CSMD3: variants seen among roughly 807,000 people sequenced by gnomAD.
CSMD3 encodes CUB and sushi domain-containing protein 3.
A neutral mutation model predicts 435.2 loss-of-function variants in CSMD3; 177 were observed. That is an observed-to-expected ratio of 0.41 (90% confidence interval 0.36 to 0.46). The LOEUF (loss-of-function observed/expected upper bound fraction) is 0.46. CSMD3 is among the 20% of genes least tolerant of loss of function. The pLI is 0.34. For missense variants in CSMD3, 4,265 were observed against 4,504.6 expected (o/e 0.95, Z 1.52); for synonymous variants, 1,656 against 1,520.5 (o/e 1.09, Z -2.07).
chr8:112,776,653 T>C (rs1411321498), intron 13 of CSMD3, among the ~76,000 whole-genome samples: 1 of 151,746 alleles, frequency 6.6e-6, no homozygotes, highest in African/African-American at 2.4e-5. Context: ...AAGTTTGAGG[T>C]AGTGTGAGCT....
chr8:112,246,470 G>A (rs879659015), intron 64 of CSMD3, among the ~76,000 whole-genome samples: 2 of 152,192 alleles, frequency 1.3e-5, no homozygotes, highest in Non-Finnish European at 2.9e-5. Flanking sequence ...GTCAGAAAAA[G>A]TTATTTAGTG....
intron 2 of CSMD3, chr8:113,309,444 C>A (rs1402126463): frequency 6.6e-6 from 1 of 152,032 alleles, no homozygotes; most frequent in Non-Finnish European, 1.5e-5. Flanking sequence ...CCATGAGTAC[C>A]CAATGTTTAG....
intron 13 of CSMD3, among the ~76,000 whole-genome samples, chr8:112,754,647 A>G (rs1293297134): frequency 1.3e-5 from 2 of 152,190 alleles, no homozygotes; most frequent in African/African-American, 4.8e-5. Context: ...TCAGCAAATC[A>G]GAAGGTCCAA....
chr8:113,091,962 T>C (rs1219778503), intron 5 of CSMD3, among the ~76,000 whole-genome samples: 2 of 152,034 alleles, frequency 1.3e-5, no homozygotes, highest in African/African-American at 2.4e-5. Context: ...ACATAGGTTT[T>C]GTATACCCAT....
In CSMD3 at chr8:112,275,109, C is replaced by G. The variant is rs1755836815; in HGVS notation, c.9508+6065G>C. ...TTTGGCATCAGCAGGGAAGTTCAAA[C>G]CATGCAAACCCTGGCACACTCACTA... On this transcript the variant is annotated intron_variant, in intron 59 of 70. Transcript: ENST00000297405. Among the ~76,000 whole-genome samples the G allele has an allele frequency of 2.0e-5, 3 of 152,140 alleles. No homozygotes were observed. In the South Asian group the frequency reaches 6.2e-4, roughly 32 times the overall value.
At chr8:112,298,707 A>C (rs568691184) in intron 53 of CSMD3, among the ~76,000 whole-genome samples, 2 of 152,228 alleles carry the variant, frequency 1.3e-5, no homozygotes, top group South Asian at 4.1e-4. Context: ...CCTATGAAAA[A>C]CTGTGCTTAA....
At position 112,245,331 on chromosome 8, in the gene CSMD3, T is replaced by C. The variant is rs116717402; in HGVS notation, c.10223-758A>G. Among the ~76,000 whole-genome samples the C allele has an allele frequency of 6.4e-3, 977 of 152,154 alleles. 12 individuals carry two copies. The highest frequency in any genetic ancestry group is 0.023 in the African/African-American group (940 of 41,508). Reference sequence around the variant, plus strand: ...GTCAGAGATAAATGCTACAAGAAATTTTTCCCCTGAAACAGATAGCATTTT... The same window carrying C: ...GTCAGAGATAAATGCTACAAGAAATCTTTCCCCTGAAACAGATAGCATTTT... On this transcript the variant is annotated intron_variant, in intron 64 of 70. Coordinates refer to ENST00000297405, the MANE Select transcript of CSMD3 (RefSeq NM_198123.2).
At chr8:112,720,879 T>G (rs2076842518) in intron 13 of CSMD3, among the ~76,000 whole-genome samples, 1 of 152,212 alleles carries the variant, frequency 6.6e-6, no homozygotes, top group African/African-American at 2.4e-5. Flanking sequence ...GAGAGTAATC[T>G]TCAAGAGAAA....
chr8:112,599,122 T>C lies in CSMD3; in HGVS notation c.3716-11887A>G, dbSNP rs576332502. Among the ~76,000 whole-genome samples, 487 of 148,134 alleles carry C rather than the reference T, an allele frequency of 3.3e-3. 3 individuals carry two copies. Among genetic ancestry groups the C allele is most frequent in the Non-Finnish European group, 4.5e-3 (303 of 67,028 alleles). ...AGAAAATTTTCGCAACCTACTCATC[T>C]GACAAAGGGCTAATATCCAGAATCT... is the stretch of plus-strand genomic sequence containing the variant. On this transcript the variant is annotated intron_variant, in intron 22 of 70. Coordinates refer to ENST00000297405, the MANE Select transcript of CSMD3 (RefSeq NM_198123.2).
intron 5 of CSMD3, among the ~76,000 whole-genome samples, chr8:113,092,432 T>G (rs548241089): frequency 4.6e-5 from 7 of 152,118 alleles, no homozygotes; most frequent in Non-Finnish European, 1.0e-4. Flanking sequence ...ACACCTTTTC[T>G]CCTTTTCTTT....
chr8:112,590,715 G>A (rs1015727896), intron 22 of CSMD3, among the ~76,000 whole-genome samples: 2 of 149,464 alleles, frequency 1.3e-5, no homozygotes, highest in African/African-American at 2.4e-5. Context: ...ACTGAATGAG[G>A]TACATTTATA....
chr8:112,691,833 C>T (rs934662951), intron 13 of CSMD3, among the ~76,000 whole-genome samples: 1 of 152,012 alleles, frequency 6.6e-6, no homozygotes, highest in African/African-American at 2.4e-5. Context: ...GAGTCTCTTA[C>T]TCTGTCACCC....
At chr8:113,377,097 C>T (rs1410625861) in intron 1 of CSMD3, 7 of 1,283,436 alleles carry the variant, frequency 5.5e-6, no homozygotes, top group Non-Finnish European at 7.0e-6. Context: ...CGCTGGACTC[C>T]CCCAAGGGCT....
At chr8:112,322,925 C>T (rs1002428304) in intron 45 of CSMD3, among the ~76,000 whole-genome samples, 1 of 151,986 alleles carries the variant, frequency 6.6e-6, no homozygotes, top group African/African-American at 2.4e-5. Context: ...CTAATATTTG[C>T]TAATAACTGA....
rs371552319 is a variant in CSMD3, at chr8:112,552,566, T to C, written c.4361+28A>G. ...TGGTTAGGCACTTCAGATTCCCTAG[T>C]AATGTTGAGAAAATGAAATTCATTT... On this transcript the variant is annotated intron_variant, in intron 26 of 70. Transcript: ENST00000297405. The C allele has an allele frequency of 1.9e-5, 31 of 1,605,514 alleles. No individual in the cohort carries two copies. In the African/African-American group the frequency reaches 3.5e-4, roughly 18 times the overall value.
At chr8:113,307,885 C>A (rs1456437299) in intron 2 of CSMD3, among the ~76,000 whole-genome samples, 5 of 152,078 alleles carry the variant, frequency 3.3e-5, no homozygotes, top group Non-Finnish European at 1.5e-5. Context: ...GTACAAAATG[C>A]GTACACAGCT....
chr8:113,145,470 C>G (rs2131749805), intron 4 of CSMD3, among the ~76,000 whole-genome samples: 1 of 151,616 alleles, frequency 6.6e-6, no homozygotes. Context: ...TCTTAATTTC[C>G]TTACCTTTTT....
At chr8:112,852,795 G>A (rs945312250) in intron 11 of CSMD3, among the ~76,000 whole-genome samples, 2 of 151,974 alleles carry the variant, frequency 1.3e-5, no homozygotes, top group Non-Finnish European at 2.9e-5. Flanking sequence ...GGTGGTGGGC[G>A]CCTGTAGTCC....
rs187986399 is a variant in CSMD3 at position 113,282,530 on chromosome 8, G to A, written c.402-3826C>T. 5.1e-3 allele frequency among the ~76,000 whole-genome samples: 781 copies of A among 152,076 alleles called. 11 individuals carry two copies. Among genetic ancestry groups the A allele is most frequent in the African/African-American group, 0.018 (754 of 41,534 alleles). On this transcript the variant is annotated intron_variant, in intron 2 of 70. Coordinates refer to ENST00000297405, the MANE Select transcript of CSMD3 (RefSeq NM_198123.2). ...ATACTTAGGAATAAACCTAAGCTAGGAGTCAAAAGACCTCTACAAGGAAAA... is the reference window on the plus strand; with the variant it reads ...ATACTTAGGAATAAACCTAAGCTAGAAGTCAAAAGACCTCTACAAGGAAAA...
Sources: gnomAD v4.1 joint callset for allele counts (sites outside exome capture counted in the v4.1 genomes callset) on GRCh38, gnomAD v4.1.1 for gene constraint, MANE v1.5 for transcripts, NCBI Gene and HGNC (gene_info 2026-07-23, HGNC 2026-07-21) for gene names.